The following BCAR3 variants were observed in gnomAD, a reference collection of about 807,000 sequenced individuals.
The protein encoded by BCAR3 is breast cancer anti-estrogen resistance protein 3.
BCAR3 carries 37 observed loss-of-function variants against 80.1 expected under a neutral mutation model. The ratio of observed to expected loss-of-function variants is 0.46; its 90% CI spans 0.36 to 0.61. The LOEUF is 0.61. Among genes scored for constraint, BCAR3 ranks in the 20% least tolerant of loss-of-function variants. The pLI is 0.00. For missense variants in BCAR3, 978 were observed against 1,068.2 expected, an observed-to-expected ratio of 0.92 and a Z score of 1.18; for synonymous variants, 389 against 418.9, an observed-to-expected ratio of 0.93 and a Z score of 0.87.
chr1:93,801,783 A>G (rs1174769284), intron 2 of BCAR3, among the ~76,000 whole-genome samples: 1 of 152,184 alleles, frequency 6.6e-6, no homozygotes, highest in African/African-American at 2.4e-5. Flanking sequence ...ATAGTAAGGC[A>G]TATATAGTAA....
chr1:93,575,935 C>CTCTT, intron 8 of BCAR3, 79 bp downstream of exon 8: 1 of 1,292,600 alleles, frequency 7.7e-7, no homozygotes, highest in South Asian at 1.2e-5. Context: ...TGCTGCGCCT[C>CTCTT]TCTTTGTTCT....
intron 3 of BCAR3, among the ~76,000 whole-genome samples, chr1:93,611,727 C>T (rs1274236283): frequency 1.3e-5 from 2 of 152,178 alleles, no homozygotes; most frequent in Non-Finnish European, 2.9e-5. Flanking sequence ...TAAGATCTTA[C>T]TCTCTAAAAA....
At chr1:93,846,772 G>A (rs1048630626) in intron 1 of BCAR3, 3 of 441,860 alleles carry the variant, frequency 6.8e-6, no homozygotes, top group African/African-American at 4.3e-5. Context: ...GCAGCTGCGC[G>A]GCGTCCTTGG....
At chr1:93,706,787 T>C (rs1314186680) in intron 2 of BCAR3, among the ~76,000 whole-genome samples, 1 of 152,256 alleles carries the variant, frequency 6.6e-6, no homozygotes, top group Non-Finnish European at 1.5e-5. Flanking sequence ...TATATAAATC[T>C]ACATAATTCA....
At chr1:93,847,562 C>T (rs775493453), upstream of BCAR3, 159 of 152,372 alleles carry the variant, frequency 1.0e-3, no homozygotes, top group Admixed American at 7.9e-4. Context: ...TGCGCTGAGA[C>T]TCCAACAGGT....
chr1:93,641,838 G>T (rs1675986402), intron 3 of BCAR3, among the ~76,000 whole-genome samples: 1 of 152,082 alleles, frequency 6.6e-6, no homozygotes, highest in Admixed American at 6.6e-5. Flanking sequence ...AAAAAACTCT[G>T]AACACTAACA....
intron 2 of BCAR3, among the ~76,000 whole-genome samples, chr1:93,819,844 T>C (rs1400586538): frequency 1.3e-5 from 2 of 152,168 alleles, no homozygotes; most frequent in Non-Finnish European, 2.9e-5. Flanking sequence ...GGGGGTTTGG[T>C]GTACAGATTA....
At chr1:93,721,785 T>C (rs1410623134) in intron 2 of BCAR3, among the ~76,000 whole-genome samples, 1 of 152,154 alleles carries the variant, frequency 6.6e-6, no homozygotes. Context: ...TGTGACAAAG[T>C]AGGGGAGGTG....
chr1:93,837,816 G>A (rs981902741), intron 2 of BCAR3, among the ~76,000 whole-genome samples: 1 of 152,206 alleles, frequency 6.6e-6, no homozygotes, highest in African/African-American at 2.4e-5. Context: ...CCAGCAGAGT[G>A]GTGGGTAGCC....
chr1:93,721,278 A>G (rs1650392937), intron 2 of BCAR3, among the ~76,000 whole-genome samples: 1 of 152,132 alleles, frequency 6.6e-6, no homozygotes, highest in Non-Finnish European at 1.5e-5. Flanking sequence ...ATCCTTGGGA[A>G]CAGAATCCTC....
At chr1:93,756,610 T>C (rs958564639) in intron 2 of BCAR3, among the ~76,000 whole-genome samples, 1 of 152,250 alleles carries the variant, frequency 6.6e-6, no homozygotes, top group South Asian at 2.1e-4. Context: ...CCAATTAAAA[T>C]GGTTATAAAA....
intron 2 of BCAR3, among the ~76,000 whole-genome samples, chr1:93,671,625 C>T (rs1048610804): frequency 2.0e-5 from 3 of 152,190 alleles, no homozygotes; most frequent in Non-Finnish European, 4.4e-5. Context: ...CTCCTTTCAA[C>T]TGGAAGAGTT....
intron 3 of BCAR3, among the ~76,000 whole-genome samples, chr1:93,696,274 A>T (rs931355188): frequency 9.2e-5 from 14 of 152,126 alleles, no homozygotes; most frequent in Non-Finnish European, 1.8e-4. Flanking sequence ...TAAAATTTGC[A>T]CACTCCACAG....
chr1:93,652,043 A>C (rs1676342310), intron 2 of BCAR3, among the ~76,000 whole-genome samples: 1 of 152,202 alleles, frequency 6.6e-6, no homozygotes, highest in South Asian at 2.1e-4. Flanking sequence ...GGCACTTCCC[A>C]TGAAATTATT....
chr1:93,566,741 G>A (rs542714753), intron 11 of BCAR3, among the ~76,000 whole-genome samples: 2 of 152,250 alleles, frequency 1.3e-5, no homozygotes, highest in East Asian at 3.9e-4. Flanking sequence ...TAGGCAAGTT[G>A]GCCAATTCTT....
chr1:93,668,833 T>A (rs1051276735), intron 2 of BCAR3, among the ~76,000 whole-genome samples: 1 of 151,834 alleles, frequency 6.6e-6, no homozygotes, highest in African/African-American at 2.4e-5. Flanking sequence ...TGCCTCAGCC[T>A]CCCCAGTAGC....
intron 2 of BCAR3, among the ~76,000 whole-genome samples, chr1:93,708,285 TAA>T (rs1649894042): frequency 6.6e-6 from 1 of 152,176 alleles, no homozygotes; most frequent in Non-Finnish European, 1.5e-5. Context: ...ACAGAACAAT[TAA>T]ACCCCTAAGC....
chr1:93,730,132 C>G (rs982846096), intron 2 of BCAR3, among the ~76,000 whole-genome samples: 1 of 152,064 alleles, frequency 6.6e-6, no homozygotes, highest in South Asian at 2.1e-4. Flanking sequence ...CTCCAGATGT[C>G]CCTCTTGACA....
In BCAR3 at chr1:93,836,276, C is replaced by T. The variant is rs564372135; in HGVS notation, c.-63+9291G>A. Among the ~76,000 whole-genome samples, 3 of 152,296 alleles carry T rather than the reference C, an allele frequency of 2.0e-5. No homozygotes were observed. The South Asian group carries it at 6.2e-4, about 32-fold the overall frequency. On this transcript the variant is annotated intron_variant, in intron 2 of 13. Transcript: ENST00000370244. ...TGCATCCCCAAAACTTGGATAGAGC[C>T]TAAAAACTTGCCAACCAAACAAGTA... is the stretch of plus-strand genomic sequence containing the variant.
Sources: gnomAD v4.1 joint callset for allele counts (sites outside exome capture counted in the v4.1 genomes callset) on GRCh38, gnomAD v4.1.1 for gene constraint, MANE v1.5 for transcripts, NCBI Gene and HGNC (gene_info 2026-07-23, HGNC 2026-07-21) for gene names.